Variants in LMBRD2 observed in about 807,000 individuals in gnomAD.
The protein encoded by LMBRD2 is LMBR1 domain containing 2.
In LMBRD2, 55 loss-of-function variants were observed where a neutral mutation model predicts 94.4. That is an observed-to-expected ratio of 0.58 (90% CI 0.47 to 0.73). The LOEUF is 0.73. LMBRD2 is among the 30% of genes least tolerant of loss of function. LMBRD2 has a pLI of 0.00. For synonymous variants in LMBRD2, 246 were observed against 272.4 expected, an observed-to-expected ratio of 0.90 and a Z score of 0.95; for missense variants, 640 against 831.9, an observed-to-expected ratio of 0.77 and a Z score of 2.84.
chr5:36,113,836 TA>T (rs1191141411), intron 13 of LMBRD2, among the ~76,000 whole-genome samples: 2 of 152,168 alleles, frequency 1.3e-5, no homozygotes. Flanking sequence ...CAAGTACACC[TA>T]TCCTTTAATC....
intron 9 of LMBRD2, among the ~76,000 whole-genome samples, chr5:36,120,181 CCCAAGTAG>C (rs1743856261): frequency 6.6e-6 from 1 of 151,924 alleles, no homozygotes. Context: ...GCCTCAGTCT[CCCAAGTAG>C]CTGGGACTAC....
At chr5:36,120,526 T>C (rs940744825) in intron 9 of LMBRD2, among the ~76,000 whole-genome samples, 6 of 152,200 alleles carry the variant, frequency 3.9e-5, no homozygotes, top group African/African-American at 1.4e-4. Context: ...CCCAAAGTGC[T>C]GGGATTACAG....
chr5:36,117,350 T>C (rs1743781467), intron 10 of LMBRD2, among the ~76,000 whole-genome samples: 1 of 152,084 alleles, frequency 6.6e-6, no homozygotes, highest in African/African-American at 2.4e-5. Flanking sequence ...TGGTGGTGCA[T>C]GGCTGTAGGC....
chr5:36,146,183 C>T (rs752426271), intron 1 of LMBRD2, among the ~76,000 whole-genome samples: 1 of 152,210 alleles, frequency 6.6e-6, no homozygotes, highest in African/African-American at 2.4e-5. Context: ...TATCTTACCA[C>T]TGCTGTAACA....
At chr5:36,134,494 G>T (rs1469668362) in intron 6 of LMBRD2, among the ~76,000 whole-genome samples, 1 of 152,098 alleles carries the variant, frequency 6.6e-6, no homozygotes, top group Non-Finnish European at 1.5e-5. Flanking sequence ...GCTAAGTTAA[G>T]ATGAGGTTAT....
intron 5 of LMBRD2, 78 bp from the exon 6 acceptor site, chr5:36,136,597 C>T (rs1362767946): frequency 1.7e-6 from 2 of 1,186,286 alleles, no homozygotes; most frequent in East Asian, 4.8e-5. Flanking sequence ...GACTTTAACA[C>T]AGGAGACACT....
chr5:36,129,526 A>G (rs1219182515), intron 6 of LMBRD2, among the ~76,000 whole-genome samples: 1 of 152,192 alleles, frequency 6.6e-6, no homozygotes, highest in Non-Finnish European at 1.5e-5. Context: ...ATATTCTTCA[A>G]ACATGAAAGA....
In LMBRD2 at chr5:36,102,232, A is replaced by G. The variant is rs911900421; in HGVS notation, c.*1814T>C. 1.3e-5 allele frequency: 2 copies of G among 151,966 alleles called. No homozygotes were observed. The highest frequency in any genetic ancestry group is 4.8e-5 in the African/African-American group (2 of 41,444). The allele number at this position is 151,966 out of a possible 1,614,324, so 9.4% of individuals were successfully genotyped here. A position where few individuals can be genotyped will look rare whatever the true frequency, so the allele number is the denominator to read the frequency against. On this transcript the variant is annotated 3_prime_UTR_variant, in exon 18 of 18. Coordinates refer to ENST00000296603, the MANE Select transcript of LMBRD2 (RefSeq NM_001007527.2). ...ATAGCACAGTTATAAACTCCAGTAC[A>G]TAAACACCAATTCAACTTCCTCACA... is the stretch of plus-strand genomic sequence containing the variant.
intron 4 of LMBRD2, 168 bp downstream of exon 4, chr5:36,140,939 T>C (rs1744393823): frequency 9.8e-6 from 5 of 507,838 alleles, no homozygotes; most frequent in East Asian, 3.3e-5. Context: ...AGATGCTTAG[T>C]AGACAGTGGA....
chr5:36,128,931 T>G (rs554382909), intron 6 of LMBRD2, among the ~76,000 whole-genome samples: 1 of 152,146 alleles, frequency 6.6e-6, no homozygotes, highest in African/African-American at 2.4e-5. Context: ...GTAGAAATTC[T>G]GGAGTTGAAA....
At chr5:36,120,349 G>A (rs1016698567) in intron 9 of LMBRD2, among the ~76,000 whole-genome samples, 1 of 151,162 alleles carries the variant, frequency 6.6e-6, no homozygotes, top group Non-Finnish European at 1.5e-5. Flanking sequence ...TGCAACCTCC[G>A]CCTCCTGTTC....
At chr5:36,115,192 G>T in intron 11 of LMBRD2, 72 bp from the exon 12 acceptor site, 1 of 845,250 alleles carries the variant, frequency 1.2e-6, no homozygotes, top group Non-Finnish European at 1.8e-6. Flanking sequence ...ATACTGAGAT[G>T]TATTAAAAAC....
At chr5:36,128,920 A>G (rs974664449) in intron 6 of LMBRD2, among the ~76,000 whole-genome samples, 1 of 152,200 alleles carries the variant, frequency 6.6e-6, no homozygotes. Context: ...AAAATAATCA[A>G]GTAGAAATTC....
Position 36,129,734 on chromosome 5 carries a change from C to T in LMBRD2, c.748-5469G>A, listed in dbSNP as rs962188198. Among the ~76,000 whole-genome samples, 6 of 152,082 alleles carry T rather than the reference C, an allele frequency of 3.9e-5. 1 individual carries two copies. Among genetic ancestry groups the T allele is most frequent in the Admixed American group, 1.3e-4 (2 of 15,266 alleles). ...AAGAATATTATTAACACTATGACTGCGGTGTGAAAACTACTCATATCTTGA... is the reference window on the plus strand; with the variant it reads ...AAGAATATTATTAACACTATGACTGTGGTGTGAAAACTACTCATATCTTGA... On this transcript the variant is annotated intron_variant, in intron 6 of 17. Transcript: ENST00000296603.
At chr5:36,133,257 G>A (rs1195123282) in intron 6 of LMBRD2, among the ~76,000 whole-genome samples, 2 of 152,062 alleles carry the variant, frequency 1.3e-5, no homozygotes, top group African/African-American at 2.4e-5. Flanking sequence ...CAATAATATG[G>A]GTGGAGTTAG....
chr5:36,141,371 C>T (rs893698365), intron 3 of LMBRD2, among the ~76,000 whole-genome samples, 169 bp from the exon 4 acceptor site: 8 of 151,896 alleles, frequency 5.3e-5, no homozygotes, highest in Admixed American at 2.6e-4. Context: ...AAGCTGACTG[C>T]CAAACTAAAA....
At chr5:36,114,679 GCTT>G (rs1300485864) in intron 12 of LMBRD2, among the ~76,000 whole-genome samples, 158 bp from the exon 13 acceptor site, 3 of 151,812 alleles carry the variant, frequency 2.0e-5, no homozygotes, top group Admixed American at 1.3e-4. Flanking sequence ...TTTAAAATCT[GCTT>G]TTTATTGAGG....
At position 36,141,157 on chromosome 5, in the gene LMBRD2, G is replaced by C; in HGVS notation, c.318C>G (p.Ile106Met). 6.2e-7 allele frequency: 1 copy of C among 1,611,700 alleles called. No homozygotes were observed. The highest frequency in any genetic ancestry group is 8.5e-7 in the Non-Finnish European group (1 of 1,178,334). The change falls in exon 4 of 18, where the codon ATC becomes ATG. Residue 106 changes from isoleucine (I) to methionine (M), a missense_variant. Ile to Met is a conservative substitution (Grantham distance 10). Around this residue, in one of 2 missense-constraint regions of LMBRD2, gnomAD observed 457 missense variants for 642.8 expected, o/e 0.71. Coordinates refer to ENST00000296603, the MANE Select transcript of LMBRD2 (RefSeq NM_001007527.2). ...ACACTACCCTCCAGAAAATTGGCATGATTCCATCAGGAATGTAACTCCATG... is the reference window on the plus strand; with the variant it reads ...ACACTACCCTCCAGAAAATTGGCATCATTCCATCAGGAATGTAACTCCATG... Reference protein sequence around the residue: ...FKPWSYIPDGIMPIFWRVVYW... With the variant: ...FKPWSYIPDGMMPIFWRVVYW...
At chr5:36,131,279 C>T (rs374277987) in intron 6 of LMBRD2, among the ~76,000 whole-genome samples, 21 of 152,016 alleles carry the variant, frequency 1.4e-4, no homozygotes, top group East Asian at 7.7e-4. Context: ...TGATAAAATT[C>T]GGCATCCCTT....
Sources: gnomAD v4.1 joint callset for allele counts (sites outside exome capture counted in the v4.1 genomes callset) on GRCh38, gnomAD v4.1.1 for gene constraint, gnomAD v4.1.1 regional missense constraint, MANE v1.5 for transcripts, NCBI Gene and HGNC (gene_info 2026-07-23, HGNC 2026-07-21) for gene names.